The following ANKRD11 variants were observed in gnomAD, a reference collection of about 807,000 sequenced individuals.
ANKRD11 encodes ankyrin repeat domain-containing protein 11.
In ANKRD11, 17 loss-of-function variants were observed where a neutral mutation model predicts 195.7. That is an observed-to-expected ratio of 0.09 (90% CI 0.06 to 0.13). The LOEUF is 0.13. ANKRD11 is among the 10% of genes least tolerant of loss of function. ANKRD11 has a pLI of 1.00. For missense variants in ANKRD11, 3,735 were observed against 3,566.1 expected (o/e 1.05, Z -1.21); for synonymous variants, 1,953 against 1,528.1 (o/e 1.28, Z -6.49).
At chr16:89,278,649 T>C (rs922205747) in intron 9 of ANKRD11, 1 of 456,350 alleles carries the variant, frequency 2.2e-6, no homozygotes, top group African/African-American at 2.1e-5. Context: ...CGTGCAGGTA[T>C]GGAGGCTCAG....
At chr16:89,286,248 G>T in intron 7 of ANKRD11, 62 bp from the exon 8 acceptor site, 3 of 1,595,220 alleles carry the variant, frequency 1.9e-6, no homozygotes, top group Non-Finnish European at 1.7e-6. Flanking sequence ...CTACCGTTCC[G>T]CATAACACGG....
intron 7 of ANKRD11, 128 bp from the exon 8 acceptor site, chr16:89,286,314 G>A (rs766194073): frequency 2.9e-6 from 4 of 1,365,278 alleles, no homozygotes; most frequent in Non-Finnish European, 3.1e-6. Flanking sequence ...CACGGTCTGA[G>A]GGTGTGGGAG....
chr16:89,371,897 C>A (rs922493579), intron 2 of ANKRD11, among the ~76,000 whole-genome samples: 5 of 152,202 alleles, frequency 3.3e-5, no homozygotes, highest in African/African-American at 4.8e-5. Context: ...ACTCCACTGG[C>A]ATCAAGAGGA....
intron 3 of ANKRD11, chr16:89,313,332 C>A: frequency 7.8e-7 from 1 of 1,287,328 alleles, no homozygotes; most frequent in Non-Finnish European, 1.0e-6. Context: ...GATCAGAACA[C>A]ACTCAACGAT....
intron 1 of ANKRD11, among the ~76,000 whole-genome samples, chr16:89,437,420 C>A (rs1485822644): frequency 6.6e-6 from 1 of 152,190 alleles, no homozygotes; most frequent in Non-Finnish European, 1.5e-5. Flanking sequence ...CCCACTGACT[C>A]CTCCACACCC....
chr16:89,337,006 CCA>C (rs1491272832), intron 2 of ANKRD11, among the ~76,000 whole-genome samples: 539 of 39,726 alleles, frequency 0.014, 5 homozygotes, highest in African/African-American at 0.044. Flanking sequence ...CCTGGCTCTA[CCA>C]AAAAAAAAAA....
intron 2 of ANKRD11, among the ~76,000 whole-genome samples, chr16:89,342,479 G>A (rs1288250542): frequency 8.5e-5 from 13 of 152,358 alleles, no homozygotes; most frequent in East Asian, 3.9e-4. Flanking sequence ...AAGGCAAAGC[G>A]TGAGGAGGAA....
intron 2 of ANKRD11, among the ~76,000 whole-genome samples, chr16:89,334,631 G>A (rs924917102): frequency 6.6e-6 from 1 of 152,052 alleles, no homozygotes; most frequent in Admixed American, 6.5e-5. Flanking sequence ...AGAGCCCAGC[G>A]CAGTCTCAGC....
rs201219383 is a variant in ANKRD11, at chr16:89,391,385, AC to A, written c.-60+26898del. On this transcript the variant is annotated intron_variant, in intron 2 of 12. Coordinates refer to ENST00000301030, the MANE Select transcript of ANKRD11 (RefSeq NM_013275.6). ...CGGGACTCAGTCCTCTCCCTGGTGG[AC>A]CCCGTGCCGTCTCCAGGTAGACAGT... Among the ~76,000 whole-genome samples, 8 of 152,124 alleles carry A rather than the reference AC, an allele frequency of 5.3e-5. No homozygotes were observed. In the East Asian group the frequency reaches 1.5e-3, roughly 29 times the overall value.
In ANKRD11 at chr16:89,331,243, T is replaced by C. The variant is rs576493348; in HGVS notation, c.-59-14165A>G. 2.6e-5 allele frequency among the ~76,000 whole-genome samples: 4 copies of C among 152,354 alleles called. No homozygotes were observed. The South Asian group carries it at 6.2e-4, about 24-fold the overall frequency. ...TGCTAGGATTACAGGCATGAGCCAC[T>C]GCGCCCGGCCTGATGAAATACATTC... On this transcript the variant is annotated intron_variant, in intron 2 of 12. Coordinates refer to ENST00000301030, the MANE Select transcript of ANKRD11 (RefSeq NM_013275.6).
chr16:89,388,239 T>C (rs1334795072), intron 2 of ANKRD11, among the ~76,000 whole-genome samples: 1 of 149,430 alleles, frequency 6.7e-6, no homozygotes, highest in Non-Finnish European at 1.5e-5. Flanking sequence ...GCAATCACCC[T>C]GCTCCAGGGC....
intron 7 of ANKRD11, chr16:89,288,155 C>T (rs979452301): frequency 1.5e-5 from 9 of 602,500 alleles, no homozygotes; most frequent in South Asian, 3.9e-5. Context: ...TCATTCCAGA[C>T]GAGGGTGGGT....
chr16:89,453,542 G>A (rs1415521576), intron 1 of ANKRD11, among the ~76,000 whole-genome samples: 3 of 152,168 alleles, frequency 2.0e-5, no homozygotes, highest in Non-Finnish European at 2.9e-5. Context: ...CTAGGACAAA[G>A]CTGCTTGCCA....
At chr16:89,313,113 C>G (rs915905014) in intron 3 of ANKRD11, among the ~76,000 whole-genome samples, 1 of 152,202 alleles carries the variant, frequency 6.6e-6, no homozygotes, top group African/African-American at 2.4e-5. Context: ...ATGTGGGTTC[C>G]TAACAAGCTC....
At chr16:89,487,905 C>T (rs1042479234) in intron 1 of ANKRD11, among the ~76,000 whole-genome samples, 48 of 152,080 alleles carry the variant, frequency 3.2e-4, no homozygotes, top group Admixed American at 1.5e-3. Context: ...CTGTAATTAC[C>T]GCTAACATGG....
chr16:89,448,426 A>G (rs1406133236), intron 1 of ANKRD11, among the ~76,000 whole-genome samples: 3 of 152,236 alleles, frequency 2.0e-5, no homozygotes, highest in African/African-American at 4.8e-5. Context: ...AATTCACACC[A>G]TGAGTTCCAA....
At chr16:89,381,629 T>A (rs943291773) in intron 2 of ANKRD11, among the ~76,000 whole-genome samples, 1 of 152,060 alleles carries the variant, frequency 6.6e-6, no homozygotes, top group East Asian at 1.9e-4. Flanking sequence ...GCTGTCAACA[T>A]CCCCCAACAT....
chr16:89,353,806 G>A (rs1050292134), intron 2 of ANKRD11, among the ~76,000 whole-genome samples: 14 of 152,190 alleles, frequency 9.2e-5, no homozygotes, highest in African/African-American at 2.7e-4. Flanking sequence ...GGAACATAAT[G>A]TTTTTCATGA....
intron 2 of ANKRD11, among the ~76,000 whole-genome samples, chr16:89,383,996 G>C (rs372423759): frequency 8.7e-4 from 132 of 152,268 alleles, no homozygotes; most frequent in African/African-American, 2.9e-3. Flanking sequence ...GAGGCAGGCA[G>C]GTCACCTGAG....
Sources: gnomAD v4.1 joint callset for allele counts (sites outside exome capture counted in the v4.1 genomes callset) on GRCh38, gnomAD v4.1.1 for gene constraint, MANE v1.5 for transcripts, NCBI Gene and HGNC (gene_info 2026-07-23, HGNC 2026-07-21) for gene names.